Variants in IDH1 observed in about 807,000 individuals in gnomAD.
The protein encoded by IDH1 is isocitrate dehydrogenase (NADP(+)) 1, also known as isocitrate dehydrogenase [NADP] cytoplasmic.
Under a neutral mutation model 46.1 loss-of-function variants are expected in IDH1, and 33 were observed. The observed-to-expected ratio is 0.72, with a 90% confidence interval of 0.54 to 0.96. IDH1 has a LOEUF of 0.96. Among genes scored for constraint, IDH1 ranks in the 40% least tolerant of loss-of-function variants. IDH1 has a pLI of 0.00. For synonymous variants in IDH1, 144 were observed against 172.8 expected (o/e 0.83, Z 1.31); for missense variants, 421 against 515.7 (o/e 0.82, Z 1.78).
intron 2 of IDH1, among the ~76,000 whole-genome samples, chr2:208,253,509 A>C (rs1688159948): frequency 6.6e-6 from 1 of 152,226 alleles, no homozygotes; most frequent in Admixed American, 6.5e-5. Flanking sequence ...CAAGACCAGC[A>C]GGCACCAGCT....
At chr2:208,238,988 T>C in intron 9 of IDH1, 83 bp downstream of exon 9, 1 of 1,215,176 alleles carries the variant, frequency 8.2e-7, no homozygotes, top group South Asian at 1.2e-5. Context: ...ACAATTTATA[T>C]AATTCCAGAA....
rs761440376 is a variant in IDH1 at position 208,248,471 on chromosome 2, A to G, written c.312T>C (p.Gly104=). 7 of 1,614,106 alleles carry G rather than the reference A, an allele frequency of 4.3e-6. No individual in the cohort carries two copies. The highest frequency in any genetic ancestry group is 5.9e-6 in the Non-Finnish European group (7 of 1,179,972). The change falls in exon 4 of 10, where the codon GGT becomes GGC. Residue 104 remains glycine, a synonymous_variant. Coordinates refer to ENST00000345146, the MANE Select transcript of IDH1 (RefSeq NM_005896.4). ...TAATGGCTTCTCTGAAGACCGTGCCACCCAGAATATTTCGTATGGTGCCAT... is the reference window on the plus strand; with the variant it reads ...TAATGGCTTCTCTGAAGACCGTGCCGCCCAGAATATTTCGTATGGTGCCAT... ...SPNGTIRNIL[G]GTVFREAIIC... is the part of the protein sequence containing the mutation.
At chr2:208,254,068 T>G (rs1380867115) in intron 1 of IDH1, 109 bp from the exon 2 acceptor site, 1 of 152,308 alleles carries the variant, frequency 6.6e-6, no homozygotes, top group Non-Finnish European at 1.5e-5. Flanking sequence ...TAAAGTACAG[T>G]GCTGAGTGTA....
intron 4 of IDH1, among the ~76,000 whole-genome samples, chr2:208,246,948 CA>C (rs1041429491): frequency 3.9e-5 from 6 of 151,916 alleles, no homozygotes; most frequent in African/African-American, 1.5e-4. Flanking sequence ...GTCTCAAAAA[CA>C]AAAAACAAAA....
chr2:208,248,835 C>T (rs1188895399), intron 3 of IDH1, among the ~76,000 whole-genome samples, 175 bp from the exon 4 acceptor site: 3 of 152,176 alleles, frequency 2.0e-5, no homozygotes, highest in Admixed American at 1.3e-4. Flanking sequence ...GTGCCAACTA[C>T]AAAGAGAACT....
rs1478965604 is a variant in IDH1, at chr2:208,251,464, G to T, written c.88C>A (p.Leu30Ile). ...RIIWELIKEK[L>I]IFPYVELDLH... is the part of the protein sequence containing the mutation. Reference sequence around the variant, plus strand: ...TCCAATTCCACGTAGGGAAAAATGAGTTTCTCTTTAATCAATTCCCAAATG... The same window carrying T: ...TCCAATTCCACGTAGGGAAAAATGATTTTCTCTTTAATCAATTCCCAAATG... The change falls in exon 3 of 10, where the codon CTC (leucine) becomes ATC (isoleucine). Residue 30 changes from leucine (L) to isoleucine (I), a missense_variant. Leu to Ile is a conservative substitution (Grantham distance 5). Coordinates refer to ENST00000345146, the MANE Select transcript of IDH1 (RefSeq NM_005896.4). The T allele has an allele frequency of 1.2e-6, 2 of 1,613,340 alleles. No individual in the cohort carries two copies. Among genetic ancestry groups the T allele is most frequent in the Non-Finnish European group, 1.7e-6 (2 of 1,179,674 alleles).
rs2124863195 is a variant in IDH1, at chr2:208,248,492, G to C, written c.291C>G (p.Gly97=). 6.2e-7 allele frequency: 1 copy of C among 1,614,130 alleles called. No individual in the cohort carries two copies. Among genetic ancestry groups the C allele is most frequent in the Non-Finnish European group, 8.5e-7 (1 of 1,180,016 alleles). ...TGCCACCCAGAATATTTCGTATGGTGCCATTTGGTGATTTCCACATTTGTT... is the reference window on the plus strand; with the variant it reads ...TGCCACCCAGAATATTTCGTATGGTCCCATTTGGTGATTTCCACATTTGTT... The part of the protein sequence containing the change: ...KLKQMWKSPN[G]TIRNILGGTV... The change falls in exon 4 of 10, where the codon GGC becomes GGG. Residue 97 remains glycine (G), a synonymous_variant. Transcript: ENST00000345146.
chr2:208,242,217 C>T, intron 6 of IDH1, 72 bp from the exon 7 acceptor site: 2 of 1,398,302 alleles, frequency 1.4e-6, no homozygotes, highest in South Asian at 1.2e-5. Flanking sequence ...TCTGCTTGTC[C>T]CAAACAGAAG....
At chr2:208,246,451 T>C (rs1688023839) in intron 4 of IDH1, among the ~76,000 whole-genome samples, 1 of 151,778 alleles carries the variant, frequency 6.6e-6, no homozygotes. Context: ...ATAAAGTAAA[T>C]ATGGGTGGTA....
intron 4 of IDH1, 94 bp from the exon 5 acceptor site, chr2:208,245,518 T>A (rs2124858125): frequency 1.3e-5 from 8 of 593,162 alleles, no homozygotes; most frequent in Non-Finnish European, 2.2e-5. Flanking sequence ...AGAAGACACC[T>A]AGACAAATAG....
At chr2:208,250,622 C>G (rs1688105114) in intron 3 of IDH1, among the ~76,000 whole-genome samples, 1 of 152,082 alleles carries the variant, frequency 6.6e-6, no homozygotes, top group Non-Finnish European at 1.5e-5. Flanking sequence ...CTATCTCTAC[C>G]TAAAGGTACA....
chr2:208,243,282 C>A, intron 6 of IDH1, 145 bp downstream of exon 6: 31 of 635,262 alleles, frequency 4.9e-5, no homozygotes, highest in Non-Finnish European at 5.1e-5. Flanking sequence ...TCCTGCTAAA[C>A]CTCAGTTTTG....
At chr2:208,244,732 GT>G (rs1297775103) in intron 5 of IDH1, among the ~76,000 whole-genome samples, 3 of 152,190 alleles carry the variant, frequency 2.0e-5, no homozygotes, top group Non-Finnish European at 4.4e-5. Flanking sequence ...GGGTATTTTT[GT>G]TTGTGTGAGT....
Position 208,248,442 on chromosome 2 carries a change from C to G in IDH1, c.341G>C (p.Cys114Ser), listed in dbSNP as rs1179650996. Residue 114 changes from cysteine to serine, a missense_variant, in exon 4 of 10, where the codon TGC (cysteine) becomes TCC (serine). Cys to Ser is a moderately radical substitution (Grantham distance 112, BLOSUM62 -1). Transcript: ENST00000345146. ...ACTCACAAGCCGGGGGATATTTTTG[C>G]AGATAATGGCTTCTCTGAAGACCGT... The part of the protein sequence containing the change: ...GGTVFREAII[C>S]KNIPRLVSGW... 1 of 1,614,092 alleles carries G rather than the reference C, an allele frequency of 6.2e-7. No homozygotes were observed. Among genetic ancestry groups the G allele is most frequent in the Non-Finnish European group, 8.5e-7 (1 of 1,179,990 alleles).
Position 208,248,566 on chromosome 2 carries a change from A to C in IDH1, c.217T>G (p.Cys73Gly). 1 of 1,614,210 alleles carries C rather than the reference A, an allele frequency of 6.2e-7. No homozygotes were observed. ...AIKKHNVGVK[C>G]ATITPDEKRV... is the part of the protein sequence containing the mutation. ...TTCTCATCAGGAGTGATAGTGGCAC[A>C]TTTGACGCCAACATTATGCTTCTTT... Residue 73 changes from cysteine to glycine, a missense_variant, in exon 4 of 10, where the codon TGT (cysteine) becomes GGT (glycine). Coordinates refer to ENST00000345146, the MANE Select transcript of IDH1 (RefSeq NM_005896.4).
At chr2:208,253,187 A>T (rs573150379) in intron 2 of IDH1, among the ~76,000 whole-genome samples, 22 of 152,322 alleles carry the variant, frequency 1.4e-4, no homozygotes, top group African/African-American at 4.6e-4. Flanking sequence ...GTGAAGACTG[A>T]TATCTTTTTA....
In IDH1 at chr2:208,240,780, G is replaced by T. The variant is rs1687903810; in HGVS notation, c.851-777C>A. 2.6e-5 allele frequency among the ~76,000 whole-genome samples: 4 copies of T among 152,048 alleles called. No individual in the cohort carries two copies. The South Asian group carries it at 8.3e-4, about 32-fold the overall frequency. On this transcript the variant is annotated intron_variant, in intron 7 of 9. Transcript: ENST00000345146. ...CCTGTGAAGTTAATAATCAACCACG[G>T]AGTCATCACAAAGCAATAACACTCC...
chr2:208,253,197 A>T (rs1163011451), intron 2 of IDH1, among the ~76,000 whole-genome samples: 1 of 152,246 alleles, frequency 6.6e-6, no homozygotes, highest in Non-Finnish European at 1.5e-5. Flanking sequence ...ATATCTTTTT[A>T]GTTCACTATT....
chr2:208,252,079 G>A (rs1688135772), intron 2 of IDH1, among the ~76,000 whole-genome samples: 1 of 152,172 alleles, frequency 6.6e-6, no homozygotes, highest in East Asian at 1.9e-4. Context: ...CCTCCTTTAA[G>A]AGGCTGTTTT....
Sources: gnomAD v4.1 joint callset for allele counts (sites outside exome capture counted in the v4.1 genomes callset) on GRCh38, gnomAD v4.1.1 for gene constraint, MANE v1.5 for transcripts, NCBI Gene and HGNC (gene_info 2026-07-23, HGNC 2026-07-21) for gene names.